Variants in NEGR1 observed in about 807,000 individuals in gnomAD.
NEGR1 encodes the protein neuronal growth regulator 1, also known as IgLON family member 4.
Under a neutral mutation model 40.9 loss-of-function variants are expected in NEGR1, and 10 were observed. The ratio of observed to expected loss-of-function variants is 0.24; its 90% CI spans 0.15 to 0.42. The LOEUF is 0.42. Among genes scored for constraint, NEGR1 ranks in the 10% least tolerant of loss-of-function variants. The pLI is 1.00. For missense variants in NEGR1, 352 were observed against 438.9 expected (o/e 0.80, Z 1.77); for synonymous variants, 185 against 166.8 (o/e 1.11, Z -0.84).
chr1:71,811,954 G>A lies in NEGR1; in HGVS notation c.410-35657C>T, dbSNP rs1308925748. ...CATGGCATGCAGGTTTAGTATATAGGTAAACATGTGCCATGGTGGTTTGCT... is the reference window on the plus strand; with the variant it reads ...CATGGCATGCAGGTTTAGTATATAGATAAACATGTGCCATGGTGGTTTGCT... On this transcript the variant is annotated intron_variant, in intron 2 of 6. Transcript: ENST00000357731. Among the ~76,000 whole-genome samples, 5 of 150,006 alleles carry A rather than the reference G, an allele frequency of 3.3e-5. No individual in the cohort carries two copies. In the South Asian group the frequency reaches 8.4e-4, roughly 25 times the overall value.
intron 4 of NEGR1, among the ~76,000 whole-genome samples, chr1:71,684,399 A>G (rs1652951859): frequency 2.0e-5 from 3 of 152,156 alleles, no homozygotes; most frequent in South Asian, 4.1e-4. Flanking sequence ...GCGTTTGTAC[A>G]TTTGTATATA....
chr1:71,907,442 T>C (rs1376474372), intron 2 of NEGR1, among the ~76,000 whole-genome samples: 1 of 152,000 alleles, frequency 6.6e-6, no homozygotes, highest in Non-Finnish European at 1.5e-5. Context: ...GAAATGCAAA[T>C]CAAAACCACA....
chr1:72,211,690 T>C (rs1406431870), intron 1 of NEGR1, among the ~76,000 whole-genome samples: 2 of 151,514 alleles, frequency 1.3e-5, no homozygotes, highest in African/African-American at 4.8e-5. Flanking sequence ...TGTTTTAAAG[T>C]TCTCCATTCT....
rs199544399 is a variant in NEGR1, at chr1:71,715,152, C to A, written c.536-17013G>T. On this transcript the variant is annotated intron_variant, in intron 3 of 6. Transcript: ENST00000357731. Reference sequence around the variant, plus strand: ...AGCTACCAAGGATTGGGGCTTGCACCCTCTGAAGCCCCAGCCAGAGCTATA... The same window carrying A: ...AGCTACCAAGGATTGGGGCTTGCACACTCTGAAGCCCCAGCCAGAGCTATA... Among the ~76,000 whole-genome samples the A allele has an allele frequency of 1.3e-5, 2 of 152,174 alleles. 1 individual carries two copies. Among genetic ancestry groups the A allele is most frequent in the South Asian group, 4.1e-4 (2 of 4,828 alleles).
intron 2 of NEGR1, among the ~76,000 whole-genome samples, chr1:71,851,598 G>T (rs970422162): frequency 6.6e-6 from 1 of 152,106 alleles, no homozygotes; most frequent in African/African-American, 2.4e-5. Flanking sequence ...TAGTAAAAGA[G>T]ATTTTTAATG....
intron 1 of NEGR1, among the ~76,000 whole-genome samples, chr1:72,017,384 G>A (rs530682013): frequency 2.0e-5 from 3 of 151,962 alleles, no homozygotes; most frequent in Non-Finnish European, 2.9e-5. Flanking sequence ...TACAAAATTA[G>A]GCCTCTATTA....
Position 72,135,298 on chromosome 1 carries a change from C to A in NEGR1, c.176+147021G>T, listed in dbSNP as rs1650410011. Among the ~76,000 whole-genome samples, 6 of 146,692 alleles carry A rather than the reference C, an allele frequency of 4.1e-5. No individual in the cohort carries two copies. In the South Asian group the frequency reaches 1.3e-3, roughly 32 times the overall value. On this transcript the variant is annotated intron_variant, in intron 1 of 6. Transcript: ENST00000357731. ...GGCTGAGGCAGGAGAAAGGTGTGAA[C>A]CCGGGAGGCGGAGCTTGCAGTGAGC...
intron 4 of NEGR1, among the ~76,000 whole-genome samples, chr1:71,631,993 C>T (rs1557593896): frequency 6.6e-6 from 1 of 151,520 alleles, no homozygotes; most frequent in Admixed American, 6.6e-5. Flanking sequence ...CTCTGTAATA[C>T]AGGAATAATA....
intron 1 of NEGR1, among the ~76,000 whole-genome samples, chr1:72,090,496 C>A (rs1018978209): frequency 6.6e-5 from 10 of 151,980 alleles, no homozygotes; most frequent in African/African-American, 2.2e-4. Context: ...TACCTCTAAC[C>A]CACATATTGA....
At chr1:72,109,137 A>G (rs1160118213) in intron 1 of NEGR1, among the ~76,000 whole-genome samples, 2 of 151,722 alleles carry the variant, frequency 1.3e-5, no homozygotes, top group Non-Finnish European at 3.0e-5. Context: ...TATGTAGACA[A>G]ATTTCTCAAT....
chr1:72,050,245 T>G, intron 1 of NEGR1, among the ~76,000 whole-genome samples: 1 of 151,598 alleles, frequency 6.6e-6, no homozygotes, highest in East Asian at 1.9e-4. Context: ...CTTTAACAAA[T>G]AAATATTTGT....
At chr1:72,243,171 C>CA (rs1183496016) in intron 1 of NEGR1, among the ~76,000 whole-genome samples, 4 of 151,528 alleles carry the variant, frequency 2.6e-5, no homozygotes, top group African/African-American at 9.7e-5. Flanking sequence ...GTAAGTCATA[C>CA]AACTCTTTTA....
rs1646235448 is a variant in NEGR1 at position 71,399,814 on chromosome 1, C to G, written c.*7632G>C. ...AGTTTCAGGGCAACCACAATCCACACTTATGAAACTACTTAGAAAACTATG... is the reference window on the plus strand; with the variant it reads ...AGTTTCAGGGCAACCACAATCCACAGTTATGAAACTACTTAGAAAACTATG... On this transcript the variant is annotated 3_prime_UTR_variant, in exon 7 of 7. Transcript: ENST00000357731. 6.6e-6 allele frequency: 1 copy of G among 152,196 alleles called. No homozygotes were observed. The highest frequency in any genetic ancestry group is 2.4e-5 in the African/African-American group (1 of 41,466). 9.4% of individuals were successfully genotyped at this position (152,196 alleles called of 1,614,324 possible).
intron 1 of NEGR1, among the ~76,000 whole-genome samples, chr1:72,073,639 T>C (rs1258225522): frequency 1.3e-5 from 2 of 152,122 alleles, no homozygotes; most frequent in Non-Finnish European, 2.9e-5. Flanking sequence ...TATACTTTCT[T>C]AAACTATGTC....
intron 1 of NEGR1, among the ~76,000 whole-genome samples, chr1:72,049,686 C>G (rs1317871617): frequency 2.0e-5 from 3 of 151,544 alleles, no homozygotes; most frequent in African/African-American, 7.3e-5. Flanking sequence ...GCAAGCTGAA[C>G]AGAAACATGT....
chr1:71,899,388 G>A (rs1661086651), intron 2 of NEGR1, among the ~76,000 whole-genome samples: 1 of 152,052 alleles, frequency 6.6e-6, no homozygotes, highest in Non-Finnish European at 1.5e-5. Flanking sequence ...AGGCAGATAG[G>A]AAGGCACTAG....
intron 4 of NEGR1, among the ~76,000 whole-genome samples, chr1:71,652,484 T>C (rs1651749598): frequency 6.6e-6 from 1 of 152,176 alleles, no homozygotes; most frequent in South Asian, 2.1e-4. Context: ...TATAGACATA[T>C]ATGGCTACTT....
At chr1:71,450,443 G>C (rs1327173009) in intron 6 of NEGR1, among the ~76,000 whole-genome samples, 4 of 152,146 alleles carry the variant, frequency 2.6e-5, no homozygotes, top group African/African-American at 4.8e-5. Context: ...ACATTTTTTA[G>C]AGGGACTTCT....
chr1:72,196,943 AAGT>A (rs1017866868), intron 1 of NEGR1, among the ~76,000 whole-genome samples: 1 of 152,020 alleles, frequency 6.6e-6, no homozygotes, highest in Non-Finnish European at 1.5e-5. Flanking sequence ...TTACAGTGGC[AAGT>A]AGATTTAGGA....
Sources: gnomAD v4.1 joint callset for allele counts (sites outside exome capture counted in the v4.1 genomes callset) on GRCh38, gnomAD v4.1.1 for gene constraint, MANE v1.5 for transcripts, NCBI Gene and HGNC (gene_info 2026-07-23, HGNC 2026-07-21) for gene names.